The following NSD2 variants were observed in gnomAD, a reference collection of about 807,000 sequenced individuals.
NSD2 encodes histone-lysine N-methyltransferase NSD2.
A neutral mutation model predicts 139.0 loss-of-function variants in NSD2; 12 were observed. The ratio of observed to expected loss-of-function variants is 0.09; its 90% CI spans 0.06 to 0.14. The LOEUF is 0.14. NSD2 is among the 10% of genes least tolerant of loss of function. NSD2 has a pLI of 1.00. For missense variants in NSD2, 1,155 were observed against 1,745.0 expected (o/e 0.66, Z 6.02); for synonymous variants, 669 against 648.7 (o/e 1.03, Z -0.48).
chr4:1,940,091 C>T lies in NSD2; in HGVS notation c.1881+313C>T, dbSNP rs994084792. 8.2e-6 allele frequency: 10 copies of T among 1,217,384 alleles called. No individual in the cohort carries two copies. In the East Asian group the frequency reaches 3.5e-4, roughly 42 times the overall value. 75.4% of individuals were successfully genotyped at this position (1,217,384 alleles called of 1,614,324 possible). A position where few individuals can be genotyped will look rare whatever the true frequency, so the allele number is the denominator to read the frequency against. Reference sequence around the variant, plus strand: ...AATGTTGTGTTCTGTGTAGCCCTCACACTGTAAGAGTTCACATGGAAGTAA... The same window carrying T: ...AATGTTGTGTTCTGTGTAGCCCTCATACTGTAAGAGTTCACATGGAAGTAA... On this transcript the variant is annotated intron_variant, in intron 9 of 21. Coordinates refer to ENST00000508803, the MANE Select transcript of NSD2 (RefSeq NM_001042424.3).
intron 5 of NSD2, among the ~76,000 whole-genome samples, chr4:1,925,246 G>A (rs539117188): frequency 1.3e-5 from 2 of 152,104 alleles, no homozygotes; most frequent in African/African-American, 4.8e-5. Context: ...TTAACCAATG[G>A]CCAACCCTTG....
chr4:1,970,126 G>A (rs1726297639), intron 18 of NSD2, among the ~76,000 whole-genome samples: 1 of 152,208 alleles, frequency 6.6e-6, no homozygotes, highest in Non-Finnish European at 1.5e-5. Context: ...CATTCAAGCA[G>A]GCCAGAGGAT....
Position 1,959,465 on chromosome 4 carries a change from C to G in NSD2, c.2986-6C>G. 1 of 1,612,654 alleles carries G rather than the reference C, an allele frequency of 6.2e-7. No individual in the cohort carries two copies. Among genetic ancestry groups the G allele is most frequent in the African/African-American group, 1.3e-5 (1 of 74,966 alleles). On this transcript the variant is annotated splice_polypyrimidine_tract_variant and splice_region_variant and intron_variant, in intron 16 of 21. Coordinates refer to ENST00000508803, the MANE Select transcript of NSD2 (RefSeq NM_001042424.3). ...TGGACCAAGACAGCTTACTCCTTCC[C>G]TGCAGGTGAATAAGCCTTACGGGAA...
At chr4:1,904,190 G>A (rs1425251379) in intron 2 of NSD2, 26 bp from the exon 3 acceptor site, 1 of 1,607,808 alleles carries the variant, frequency 6.2e-7, no homozygotes, top group East Asian at 2.2e-5. Flanking sequence ...ATGTGTTAGT[G>A]TTTGTCTTCT....
Position 1,945,876 on chromosome 4 carries a change from A to C in NSD2, c.1882-5196A>C, listed in dbSNP as rs370332334. 200 of 1,060,824 alleles carry C rather than the reference A, an allele frequency of 1.9e-4. No individual in the cohort carries two copies. The Middle Eastern group carries it at 2.1e-3, about 11-fold the overall frequency. 65.7% of individuals were successfully genotyped at this position (1,060,824 alleles called of 1,614,324 possible). A position where few individuals can be genotyped will look rare whatever the true frequency, so the allele number is the denominator to read the frequency against. Reference sequence around the variant, plus strand: ...AAATAAGGTCGTTATGACTTTGGCAACTTGCTTCATTTCTTTTTCATTTGA... The same window carrying C: ...AAATAAGGTCGTTATGACTTTGGCACCTTGCTTCATTTCTTTTTCATTTGA... On this transcript the variant is annotated intron_variant, in intron 9 of 21. Coordinates refer to ENST00000508803, the MANE Select transcript of NSD2 (RefSeq NM_001042424.3).
intron 9 of NSD2, chr4:1,944,453 G>T: frequency 9.4e-7 from 1 of 1,065,240 alleles, no homozygotes; most frequent in Non-Finnish European, 1.1e-6. Flanking sequence ...GGTGAATTTT[G>T]TTTGTCATAC....
intron 1 of NSD2, among the ~76,000 whole-genome samples, chr4:1,875,439 G>T (rs186806227): frequency 2.3e-4 from 35 of 151,948 alleles, no homozygotes; most frequent in African/African-American, 7.2e-4. Flanking sequence ...GTGCCACCAT[G>T]CCTGGCTAAT....
In NSD2 at chr4:1,975,062, G is replaced by A. The variant is rs931245767; in HGVS notation, c.3514+58G>A. On this transcript the variant is annotated intron_variant, in intron 19 of 21. Transcript: ENST00000508803. ...TGGCTATGGGGGCAGAGTGGCCATC[G>A]CTGAGGGCTGCGTGGGGCTGGACTG... The A allele has an allele frequency of 4.3e-5, 69 of 1,609,892 alleles. 2 individuals carry two copies. In the East Asian group the frequency reaches 7.8e-4, roughly 18 times the overall value.
chr4:1,932,948 C>T (rs968399329), intron 6 of NSD2, among the ~76,000 whole-genome samples: 1 of 152,208 alleles, frequency 6.6e-6, no homozygotes, highest in Non-Finnish European at 1.5e-5. Flanking sequence ...GAAGGCAGAC[C>T]TGCCTGAGGG....
chr4:1,955,378 A>G lies in NSD2; in HGVS notation c.2518+38A>G, dbSNP rs200107713. On this transcript the variant is annotated intron_variant, in intron 13 of 21. Coordinates refer to ENST00000508803, the MANE Select transcript of NSD2 (RefSeq NM_001042424.3). The surrounding 1 kb of genome is among the most constrained non-coding windows in gnomAD (Gnocchi z 4.7). The stretch of plus-strand genomic sequence containing the variant: ...GGGGTGTCTGCGGCACACGCCTCTC[A>G]CACTCCCAGGAGCCACATATCAAGG... 53 of 1,578,806 alleles carry G rather than the reference A, an allele frequency of 3.4e-5. No individual in the cohort carries two copies. The East Asian group carries it at 1.2e-3, about 36-fold the overall frequency.
intron 21 of NSD2, 85 bp from the exon 22 acceptor site, chr4:1,978,553 C>G (rs944492638): frequency 2.3e-5 from 35 of 1,519,068 alleles, no homozygotes; most frequent in Non-Finnish European, 2.9e-5. Flanking sequence ...TTTGACCTGA[C>G]AGTTGTAAGT....
Position 1,939,756 on chromosome 4 carries a change from C to G in NSD2, c.1859C>G (p.Ser620Cys). 1.9e-6 allele frequency: 3 copies of G among 1,614,216 alleles called. No individual in the cohort carries two copies. The highest frequency in any genetic ancestry group is 2.5e-6 in the Non-Finnish European group (3 of 1,180,038). ...GGGTTTAGCAAAAGTTCATCTCCTT[C>G]TGCATCCTTAACTGAGAATGAGGTA... ...ALGFSKSSSP[S>C]ASLTENEVSD... Residue 620 changes from serine (S) to cysteine (C), a missense_variant, in exon 9 of 22, where the codon TCT becomes TGT. Transcript: ENST00000508803.
In NSD2 at chr4:1,979,529, T is replaced by G. The variant is rs1132849; in HGVS notation, c.*620T>G. 0.025 allele frequency: 5,768 copies of G among 233,086 alleles called. 100 individuals carry two copies. The highest frequency in any genetic ancestry group is 0.037 in the Middle Eastern group (29 of 786). 14.4% of individuals were successfully genotyped at this position (233,086 alleles called of 1,614,324 possible). On this transcript the variant is annotated 3_prime_UTR_variant, in exon 22 of 22. Coordinates refer to ENST00000508803, the MANE Select transcript of NSD2 (RefSeq NM_001042424.3). ...CCTGCAGGTGGTGGCAGCAATGGTGTTGTAAGATTTCCTCCCGTAGTTTTT... is the reference window on the plus strand; with the variant it reads ...CCTGCAGGTGGTGGCAGCAATGGTGGTGTAAGATTTCCTCCCGTAGTTTTT...
At chr4:1,921,081 G>A (rs556404484) in intron 5 of NSD2, among the ~76,000 whole-genome samples, 1 of 152,270 alleles carries the variant, frequency 6.6e-6, no homozygotes, top group East Asian at 1.9e-4. Flanking sequence ...TAGTAAACCA[G>A]GAATAAAAGG....
At position 1,942,282 on chromosome 4, in the gene NSD2, AT is replaced by A; in HGVS notation, c.1881+2510del. The stretch of plus-strand genomic sequence containing the variant: ...TGTGATTTAAGTGTTTTGTAACTTC[AT>A]TTTTTATTCCTTTAGTAGAGCAAAT... On this transcript the variant is annotated intron_variant, in intron 9 of 21. Coordinates refer to ENST00000508803, the MANE Select transcript of NSD2 (RefSeq NM_001042424.3). This position sits in a 1 kb window ranked among gnomAD's most constrained non-coding sequence, Gnocchi z 4.0. 1.9e-6 allele frequency: 3 copies of A among 1,597,054 alleles called. 1 individual carries two copies. The South Asian group carries it at 3.4e-5, about 18-fold the overall frequency.
rs1374729324 is a variant in NSD2, at chr4:1,958,781, A to G, written c.2986-690A>G. Among the ~76,000 whole-genome samples, 13 of 152,264 alleles carry G rather than the reference A, an allele frequency of 8.5e-5. No homozygotes were observed. The highest frequency in any genetic ancestry group is 8.5e-4 in the Admixed American group (13 of 15,290). The stretch of plus-strand genomic sequence containing the variant: ...AAACAGAATCACAGGGTCAGAGAGT[A>G]TGAAATGTTTAGATTCTTGGGGAAT... On this transcript the variant is annotated intron_variant, in intron 16 of 21. Transcript: ENST00000508803. This position sits in a 1 kb window ranked among gnomAD's most constrained non-coding sequence, Gnocchi z 4.6.
chr4:1,917,445 AT>A (rs938050208), intron 4 of NSD2, among the ~76,000 whole-genome samples: 5 of 152,098 alleles, frequency 3.3e-5, no homozygotes, highest in African/African-American at 1.2e-4. Flanking sequence ...ATTTTTTAAA[AT>A]TTTTTTGAGA....
rs1255945879 is a variant in NSD2 at position 1,973,700 on chromosome 4, A to G, written c.3373-1163A>G. Among the ~76,000 whole-genome samples the G allele has an allele frequency of 6.6e-6, 1 of 152,214 alleles. No homozygotes were observed. The highest frequency in any genetic ancestry group is 2.4e-5 in the African/African-American group (1 of 41,466). The stretch of plus-strand genomic sequence containing the variant: ...TTGCACCAGGGCTGGGTGCGTGGGC[A>G]GTTGTGTCAGAGGCCGCGTGTGAAT... On this transcript the variant is annotated intron_variant, in intron 18 of 21. Coordinates refer to ENST00000508803, the MANE Select transcript of NSD2 (RefSeq NM_001042424.3). This position sits in a 1 kb window ranked among gnomAD's most constrained non-coding sequence, Gnocchi z 5.5.
At chr4:1,923,950 G>A (rs1720511459) in intron 5 of NSD2, among the ~76,000 whole-genome samples, 2 of 152,168 alleles carry the variant, frequency 1.3e-5, no homozygotes, top group Non-Finnish European at 2.9e-5. Context: ...CCCTTTCTCT[G>A]CGTCCATCTA....
Sources: allele counts gnomAD v4.1 joint callset (sites outside exome capture counted in the v4.1 genomes callset), GRCh38; gene constraint gnomAD v4.1.1; non-coding constraint Gnocchi (gnomAD v3.1); transcripts MANE v1.5; gene names NCBI Gene and HGNC (gene_info 2026-07-23, HGNC 2026-07-21).